Variants in ABTB2 observed in about 807,000 individuals in gnomAD.
ABTB2 encodes the protein ankyrin repeat and BTB domain containing 2.
A neutral mutation model predicts 104.1 loss-of-function variants in ABTB2; 56 were observed. The ratio of observed to expected loss-of-function variants is 0.54; its 90% CI spans 0.43 to 0.67. ABTB2 has a LOEUF of 0.67. Among genes scored for constraint, ABTB2 ranks in the 30% least tolerant of loss-of-function variants. The pLI is 0.00. For synonymous variants in ABTB2, 606 were observed against 608.2 expected (o/e 1.00, Z 0.05); for missense variants, 1,279 against 1,407.7 (o/e 0.91, Z 1.46).
At chr11:34,256,706 T>G (rs1270188149) in intron 1 of ABTB2, among the ~76,000 whole-genome samples, 1 of 152,186 alleles carries the variant, frequency 6.6e-6, no homozygotes, top group African/African-American at 2.4e-5. Context: ...AAATCACCAA[T>G]GACTTTTTTG....
chr11:34,341,809 A>C (rs1855265097), intron 1 of ABTB2, among the ~76,000 whole-genome samples: 2 of 152,090 alleles, frequency 1.3e-5, no homozygotes, highest in South Asian at 4.2e-4. Context: ...AATTTTTCTT[A>C]CTCCCAAGCA....
rs112616498 is a variant in ABTB2, at chr11:34,214,139, A to AAAACACAC, written c.884-9450_884-9449insGTGTGTTT. 1.7e-3 allele frequency among the ~76,000 whole-genome samples: 237 copies of AAAACACAC among 139,270 alleles called. 2 individuals are homozygous for AAAACACAC. Among genetic ancestry groups the AAAACACAC allele is most frequent in the African/African-American group, 6.5e-3 (231 of 35,488 alleles). 91.4% of individuals were successfully genotyped at this position (139,270 alleles called of 152,430 possible). A position where few individuals can be genotyped will look rare whatever the true frequency, so the allele number is the denominator to read the frequency against. ...TTTTCTATTAAGGCAGCACATTCAAAACACACACACACACACACACACACA... is the reference window on the plus strand; with the variant it reads ...TTTTCTATTAAGGCAGCACATTCAAAAAACACACACACACACACACACACACACACACA... On this transcript the variant is annotated intron_variant, in intron 1 of 16. Transcript: ENST00000435224.
intron 3 of ABTB2, among the ~76,000 whole-genome samples, chr11:34,180,802 G>T (rs934339031): frequency 1.3e-5 from 2 of 152,044 alleles, no homozygotes; most frequent in African/African-American, 2.4e-5. Flanking sequence ...GAGCCTGATT[G>T]TTCAATCCAA....
In ABTB2 at chr11:34,162,600, T is replaced by A. The variant is rs1442212626; in HGVS notation, c.2194A>T (p.Ile732Phe). The stretch of plus-strand genomic sequence containing the variant: ...CCCAGTGCCCTCAGCTCCATGGTGA[T>A]GTCCACGTAGCCGTGCTCAGCGCTG... Reference protein sequence around the residue: ...YYSAEHGYVDITMELRALGVP... With the variant: ...YYSAEHGYVDFTMELRALGVP... Residue 732 changes from isoleucine to phenylalanine, a missense_variant, in exon 10 of 17, where the codon ATC becomes TTC. Ile to Phe is a conservative substitution (Grantham distance 21). Transcript: ENST00000435224. The A allele has an allele frequency of 6.2e-7, 1 of 1,613,514 alleles. No homozygotes were observed. The highest frequency in any genetic ancestry group is 8.5e-7 in the Non-Finnish European group (1 of 1,179,986).
chr11:34,166,964 C>T (rs1852809993), intron 7 of ABTB2, among the ~76,000 whole-genome samples: 1 of 152,222 alleles, frequency 6.6e-6, no homozygotes, highest in African/African-American at 2.4e-5. Context: ...CTGGGACAGC[C>T]CCCAGTGTGC....
intron 1 of ABTB2, among the ~76,000 whole-genome samples, chr11:34,208,558 G>A (rs1204389206): frequency 6.6e-6 from 1 of 152,128 alleles, no homozygotes; most frequent in Non-Finnish European, 1.5e-5. Context: ...ATGTGCTGTG[G>A]ACTGTGCTGA....
chr11:34,233,651 AC>A (rs932875163), intron 1 of ABTB2, among the ~76,000 whole-genome samples: 8 of 22,842 alleles, frequency 3.5e-4, no homozygotes, highest in Non-Finnish European at 8.4e-4. Flanking sequence ...TACCTGGCCC[AC>A]CTTTTTTTTT....
At chr11:34,241,746 C>A (rs11822418) in intron 1 of ABTB2, among the ~76,000 whole-genome samples, 6,554 of 152,306 alleles carry the variant, frequency 0.043, 384 homozygotes, top group African/African-American at 0.13. Flanking sequence ...CAGAAGTTAA[C>A]AAGATAATCC....
At chr11:34,329,066 G>A (rs1855101536) in intron 1 of ABTB2, among the ~76,000 whole-genome samples, 1 of 152,160 alleles carries the variant, frequency 6.6e-6, no homozygotes, top group African/African-American at 2.4e-5. Context: ...AACCCAGCCT[G>A]CAAGCTATTC....
chr11:34,211,156 TGGAGTGCAGTAATG>T (rs1853476160), intron 1 of ABTB2, among the ~76,000 whole-genome samples: 1 of 152,204 alleles, frequency 6.6e-6, no homozygotes, highest in African/African-American at 2.4e-5. Flanking sequence ...TCACCCAAGC[TGGAGTGCAGTAATG>T]GGATTACAGC....
At chr11:34,176,141 G>A (rs1436102127) in intron 3 of ABTB2, among the ~76,000 whole-genome samples, 2 of 151,994 alleles carry the variant, frequency 1.3e-5, no homozygotes, top group Admixed American at 6.6e-5. Flanking sequence ...TTAGCCGGGC[G>A]TGGTGGTACT....
At position 34,214,554 on chromosome 11, in the gene ABTB2, TTTA is replaced by T. The variant is rs1160531267; in HGVS notation, c.884-9867_884-9865del. Among the ~76,000 whole-genome samples the T allele has an allele frequency of 5.2e-3, 723 of 138,634 alleles. 8 individuals are homozygous for T. Among genetic ancestry groups the T allele is most frequent in the African/African-American group, 0.016 (567 of 34,448 alleles). The allele number at this position is 138,634 out of a possible 152,430, so 90.9% of individuals were successfully genotyped here. On this transcript the variant is annotated intron_variant, in intron 1 of 16. Coordinates refer to ENST00000435224, the MANE Select transcript of ABTB2 (RefSeq NM_145804.3). ...CCACTTTTTTTTTTTTTTTTTTTTT[TTTA>T]AAGTCAGGTTCTTGCTCTGTCTCTC...
intron 1 of ABTB2, among the ~76,000 whole-genome samples, chr11:34,342,924 T>C (rs763437215): frequency 3.8e-4 from 9 of 23,854 alleles, no homozygotes; most frequent in Admixed American, 4.7e-4. Context: ...CCATTTCATT[T>C]ATTTATTTAT....
chr11:34,245,551 A>G (rs948298832), intron 1 of ABTB2, among the ~76,000 whole-genome samples: 1 of 152,152 alleles, frequency 6.6e-6, no homozygotes, highest in Non-Finnish European at 1.5e-5. Context: ...TGGCATAGCA[A>G]TTGATCTCTA....
intron 1 of ABTB2, among the ~76,000 whole-genome samples, chr11:34,317,822 T>C (rs780234708): frequency 5.3e-5 from 8 of 151,494 alleles, no homozygotes; most frequent in Non-Finnish European, 1.0e-4. Flanking sequence ...TGGGGATACA[T>C]GTGCATGTTT....
chr11:34,206,163 C>T (rs992554683), intron 1 of ABTB2, among the ~76,000 whole-genome samples: 5 of 152,204 alleles, frequency 3.3e-5, no homozygotes, highest in African/African-American at 1.2e-4. Flanking sequence ...GGTTTGAGAC[C>T]AGCCTGGCCA....
At chr11:34,246,989 A>G (rs572930873) in intron 1 of ABTB2, among the ~76,000 whole-genome samples, 34 of 151,962 alleles carry the variant, frequency 2.2e-4, no homozygotes, top group African/African-American at 8.0e-4. Flanking sequence ...CTGGGATTAC[A>G]GGCATGCACC....
At chr11:34,355,591 TG>T (rs1855456404) in intron 1 of ABTB2, among the ~76,000 whole-genome samples, 1 of 152,196 alleles carries the variant, frequency 6.6e-6, no homozygotes, top group Non-Finnish European at 1.5e-5. Flanking sequence ...TGTTAAACCA[TG>T]TTTTGACTTC....
In ABTB2 at chr11:34,258,319, T is replaced by C. The variant is rs193236975; in HGVS notation, c.884-53629A>G. On this transcript the variant is annotated intron_variant, in intron 1 of 16. Coordinates refer to ENST00000435224, the MANE Select transcript of ABTB2 (RefSeq NM_145804.3). Reference sequence around the variant, plus strand: ...ACAAATATCTATCCCACTTCATTTTTTTTTCCCTTTAATCCTCACAGTGAG... The same window carrying C: ...ACAAATATCTATCCCACTTCATTTTCTTTTCCCTTTAATCCTCACAGTGAG... Among the ~76,000 whole-genome samples, 408 of 152,346 alleles carry C rather than the reference T, an allele frequency of 2.7e-3. 4 individuals are homozygous for C. Among genetic ancestry groups the C allele is most frequent in the African/African-American group, 9.3e-3 (385 of 41,576 alleles).
Sources: gnomAD v4.1 joint callset for allele counts (sites outside exome capture counted in the v4.1 genomes callset) on GRCh38, gnomAD v4.1.1 for gene constraint, MANE v1.5 for transcripts, NCBI Gene and HGNC (gene_info 2026-07-23, HGNC 2026-07-21) for gene names.